Variants in RB1 observed in about 807,000 individuals in gnomAD.
The protein encoded by RB1 is retinoblastoma-associated protein.
A neutral mutation model predicts 135.4 loss-of-function variants in RB1; 18 were observed. The observed-to-expected ratio is 0.13, with a 90% CI of 0.09 to 0.20. RB1 has a LOEUF of 0.20. Ranked by LOEUF, RB1 falls within the 10% of genes least tolerant of loss-of-function variation. RB1 has a pLI of 1.00. For missense variants in RB1, 868 were observed against 1,110.0 expected, an observed-to-expected ratio of 0.78 and a Z score of 3.10; for synonymous variants, 365 against 373.2, an observed-to-expected ratio of 0.98 and a Z score of 0.25.
chr13:48,480,398 G>A lies in RB1; in HGVS notation c.*327G>A. The A allele has an allele frequency of 2.8e-6, 1 of 359,778 alleles. No individual in the cohort carries two copies. The highest frequency in any genetic ancestry group is 5.1e-6 in the Non-Finnish European group (1 of 194,282). 22.3% of individuals were successfully genotyped at this position (359,778 alleles called of 1,614,324 possible). A position where few individuals can be genotyped will look rare whatever the true frequency, so the allele number is the denominator to read the frequency against. Reference sequence around the variant, plus strand: ...TAGAGTGGGAGTCCTGATAACCCAGGCCTGTCTGACTACTTTGCCTTCTTT... The same window carrying A: ...TAGAGTGGGAGTCCTGATAACCCAGACCTGTCTGACTACTTTGCCTTCTTT... On this transcript the variant is annotated 3_prime_UTR_variant, in exon 27 of 27. Transcript: ENST00000267163.
intron 17 of RB1, among the ~76,000 whole-genome samples, chr13:48,396,786 TAAAC>T (rs1200902292): frequency 6.6e-6 from 1 of 152,078 alleles, no homozygotes; most frequent in Non-Finnish European, 1.5e-5. Flanking sequence ...ACAAGGAACT[TAAAC>T]AAATTTACAG....
chr13:48,438,308 C>A (rs1252107082), intron 17 of RB1, among the ~76,000 whole-genome samples: 2 of 152,146 alleles, frequency 1.3e-5, no homozygotes, highest in African/African-American at 4.8e-5. Context: ...TATAGATTAG[C>A]TGCATGAAGT....
In RB1 at chr13:48,319,864, C is replaced by A. The variant is rs944167601; in HGVS notation, c.264+12458C>A. 8.9e-6 allele frequency: 3 copies of A among 338,846 alleles called. No homozygotes were observed. Among genetic ancestry groups the A allele is most frequent in the Non-Finnish European group, 1.7e-5 (3 of 172,944 alleles). 21.0% of individuals were successfully genotyped at this position (338,846 alleles called of 1,614,324 possible). A position where few individuals can be genotyped will look rare whatever the true frequency, so the allele number is the denominator to read the frequency against. On this transcript the variant is annotated intron_variant, in intron 2 of 26. Coordinates refer to ENST00000267163, the MANE Select transcript of RB1 (RefSeq NM_000321.3). The surrounding 1 kb of genome is among the most constrained non-coding windows in gnomAD (Gnocchi z 5.0). Reference sequence around the variant, plus strand: ...GCTCGCTCTGACCGGGAAGGCAGAACCCTAGTCCTCACTGGATCTCACCTG... The same window carrying A: ...GCTCGCTCTGACCGGGAAGGCAGAAACCTAGTCCTCACTGGATCTCACCTG...
At chr13:48,456,697 G>A (rs974932623) in intron 19 of RB1, among the ~76,000 whole-genome samples, 3 of 152,224 alleles carry the variant, frequency 2.0e-5, no homozygotes, top group African/African-American at 7.2e-5. Context: ...AACGGAGAGG[G>A]GTGTGTGGGC....
chr13:48,347,310 T>C (rs1952507291), intron 4 of RB1, among the ~76,000 whole-genome samples: 1 of 152,054 alleles, frequency 6.6e-6, no homozygotes, highest in Non-Finnish European at 1.5e-5. Context: ...GAGATTAGCA[T>C]GTGTACAAAG....
intron 2 of RB1, among the ~76,000 whole-genome samples, chr13:48,312,567 G>A (rs1320085790): frequency 1.3e-5 from 2 of 152,126 alleles, no homozygotes; most frequent in Non-Finnish European, 2.9e-5. Flanking sequence ...GGTTTACCTT[G>A]GTATTCAGTG....
chr13:48,332,555 A>G (rs1458883500), intron 2 of RB1, among the ~76,000 whole-genome samples: 2 of 152,230 alleles, frequency 1.3e-5, no homozygotes, highest in African/African-American at 4.8e-5. Flanking sequence ...TGGGTGACAG[A>G]GTGAGACCCT....
chr13:48,425,320 G>A (rs1018721763), intron 17 of RB1, among the ~76,000 whole-genome samples: 2 of 152,186 alleles, frequency 1.3e-5, no homozygotes, highest in African/African-American at 4.8e-5. Flanking sequence ...AACTATTTGA[G>A]TGACTATTTT....
At chr13:48,366,502 A>ACT (rs1952700320) in intron 9 of RB1, among the ~76,000 whole-genome samples, 1 of 152,224 alleles carries the variant, frequency 6.6e-6, no homozygotes, top group Non-Finnish European at 1.5e-5. Flanking sequence ...TGAGGTTGGA[A>ACT]TCACTTTGGC....
intron 17 of RB1, among the ~76,000 whole-genome samples, chr13:48,442,525 A>G (rs1949248352): frequency 6.6e-6 from 1 of 152,186 alleles, no homozygotes; most frequent in African/African-American, 2.4e-5. Context: ...TAACTTTCCT[A>G]CTGTACTTAG....
chr13:48,478,056 T>C (rs1041357168), intron 26 of RB1, among the ~76,000 whole-genome samples: 2 of 152,166 alleles, frequency 1.3e-5, no homozygotes, highest in Non-Finnish European at 2.9e-5. Flanking sequence ...TGGGTTGTCT[T>C]AGGTAGTTAT....
At chr13:48,447,054 A>T (rs570516196) in intron 17 of RB1, among the ~76,000 whole-genome samples, 1 of 152,346 alleles carries the variant, frequency 6.6e-6, no homozygotes, top group South Asian at 2.1e-4. Flanking sequence ...GCAATGGTAC[A>T]GGTAATGAAA....
intron 8 of RB1, 66 bp from the exon 9 acceptor site, chr13:48,364,828 C>G: frequency 6.6e-7 from 1 of 1,518,212 alleles, no homozygotes; most frequent in East Asian, 2.5e-5. Flanking sequence ...CTGCATTGTT[C>G]AAGAGTCAAG....
At chr13:48,410,325 T>C (rs1446735262) in intron 17 of RB1, among the ~76,000 whole-genome samples, 2 of 152,236 alleles carry the variant, frequency 1.3e-5, no homozygotes, top group African/African-American at 4.8e-5. Flanking sequence ...TACAGTATTC[T>C]TTGCAGTAGC....
intron 1 of RB1, among the ~76,000 whole-genome samples, chr13:48,304,657 C>T (rs1952063483): frequency 6.6e-6 from 1 of 152,082 alleles, no homozygotes; most frequent in South Asian, 2.1e-4. Flanking sequence ...GCCTTGGGGA[C>T]TCAAAGCCAT....
At chr13:48,359,674 C>T (rs1952621618) in intron 6 of RB1, among the ~76,000 whole-genome samples, 1 of 149,690 alleles carries the variant, frequency 6.7e-6, no homozygotes, top group Admixed American at 6.7e-5. Flanking sequence ...TGGAGTAATA[C>T]ATTCTATAGT....
At chr13:48,400,354 A>G (rs1948681286) in intron 17 of RB1, among the ~76,000 whole-genome samples, 1 of 152,148 alleles carries the variant, frequency 6.6e-6, no homozygotes, top group Admixed American at 6.6e-5. Flanking sequence ...TGTGTCCACA[A>G]AACTGGTTGG....
In RB1 at chr13:48,473,320, G is replaced by A; in HGVS notation, c.2490-40G>A. The A allele has an allele frequency of 6.6e-7, 1 of 1,509,868 alleles. No homozygotes were observed. Among genetic ancestry groups the A allele is most frequent in the South Asian group, 1.1e-5 (1 of 88,586 alleles). 93.5% of individuals were successfully genotyped at this position (1,509,868 alleles called of 1,614,324 possible). On this transcript the variant is annotated intron_variant, in intron 23 of 26. Coordinates refer to ENST00000267163, the MANE Select transcript of RB1 (RefSeq NM_000321.3). ...GCTCATCTCTGCAAAATTGTATATGGTTTTTTATTACTAATTGGTATTTCA... is the reference window on the plus strand; with the variant it reads ...GCTCATCTCTGCAAAATTGTATATGATTTTTTATTACTAATTGGTATTTCA...
At chr13:48,373,359 T>TC (rs1952782375) in intron 11 of RB1, 46 bp from the exon 12 acceptor site, 4 of 1,170,996 alleles carry the variant, frequency 3.4e-6, no homozygotes, top group Middle Eastern at 2.0e-4. Flanking sequence ...TTTCTTTTTT[T>TC]CTCCCTTCAT....
Sources: allele counts gnomAD v4.1 joint callset (sites outside exome capture counted in the v4.1 genomes callset), GRCh38; gene constraint gnomAD v4.1.1; non-coding constraint Gnocchi (gnomAD v3.1); transcripts MANE v1.5; gene names NCBI Gene and HGNC (gene_info 2026-07-23, HGNC 2026-07-21).